The following CCDC28B variants were observed in gnomAD, a reference collection of about 807,000 sequenced individuals.
CCDC28B encodes coiled-coil domain-containing protein 28B.
A neutral mutation model predicts 18.7 loss-of-function variants in CCDC28B; 17 were observed. The ratio of observed to expected loss-of-function variants is 0.91; its 90% CI spans 0.62 to 1.36. The LOEUF (loss-of-function observed/expected upper bound fraction) is 1.36, where lower values mean the gene tolerates loss of function less well. Ranked by LOEUF, CCDC28B falls within the 40% of genes most tolerant of loss-of-function variation. CCDC28B has a pLI of 0.00. For missense variants in CCDC28B, 213 were observed against 251.7 expected, an observed-to-expected ratio of 0.85 and a Z score of 1.04; for synonymous variants, 116 against 105.1, an observed-to-expected ratio of 1.10 and a Z score of -0.64.
chr1:32,202,309 C>G, intron 2 of CCDC28B: 1 of 705,258 alleles, frequency 1.4e-6, no homozygotes, highest in Non-Finnish European at 2.6e-6. Context: ...GATCACATAG[C>G]GTGAGGATTC....
chr1:32,199,233 C>T (rs893000240), upstream of CCDC28B, among the ~76,000 whole-genome samples: 2 of 152,214 alleles, frequency 1.3e-5, no homozygotes, highest in Non-Finnish European at 2.9e-5. Flanking sequence ...GCCCTTCCCT[C>T]CAGGCCTCCA....
Position 32,205,340 on chromosome 1 carries a change from C to A in CCDC28B, c.*92C>A. Reference sequence around the variant, plus strand: ...CGGGTGTTCTGCGGCCCCCCAGGTGCTATGGGGGAGGGGGGCGTTGAATGG... The same window carrying A: ...CGGGTGTTCTGCGGCCCCCCAGGTGATATGGGGGAGGGGGGCGTTGAATGG... On this transcript the variant is annotated 3_prime_UTR_variant, in exon 6 of 6. Transcript: ENST00000373602. The surrounding 1 kb of genome is among the most constrained non-coding windows in gnomAD (Gnocchi z 5.6). The A allele has an allele frequency of 7.7e-7, 1 of 1,299,810 alleles. No individual in the cohort carries two copies. The highest frequency in any genetic ancestry group is 1.1e-6 in the Non-Finnish European group (1 of 948,372). 80.5% of individuals were successfully genotyped at this position (1,299,810 alleles called of 1,614,324 possible).
upstream of CCDC28B, chr1:32,197,885 A>G (rs888176335): frequency 2.6e-5 from 4 of 152,100 alleles, no homozygotes; most frequent in Admixed American, 2.6e-4. This position sits in a 1 kb window ranked among gnomAD's most constrained non-coding sequence, Gnocchi z 4.6. Context: ...CACTTTCTGT[A>G]GGAGACTGTT....
At chr1:32,201,524 GGTTTA>G (rs1227347664) in intron 1 of CCDC28B, among the ~76,000 whole-genome samples, 2 of 151,982 alleles carry the variant, frequency 1.3e-5, no homozygotes, top group Non-Finnish European at 2.9e-5. Flanking sequence ...AATAGAATAG[GGTTTA>G]GTTAAGACAT....
chr1:32,202,372 A>C (rs1643165981), intron 2 of CCDC28B: 1 of 630,864 alleles, frequency 1.6e-6, no homozygotes, highest in Non-Finnish European at 2.9e-6. Context: ...TTCCACGCTG[A>C]GAGGCTTACC....
At chr1:32,198,929 G>C (rs1407072428), upstream of CCDC28B, among the ~76,000 whole-genome samples, 1 of 152,202 alleles carries the variant, frequency 6.6e-6, no homozygotes, top group Admixed American at 6.5e-5. Flanking sequence ...CAGGTTAAGA[G>C]GGGTGGACAC....
At chr1:32,204,827 C>T (rs1643267948) in intron 5 of CCDC28B, 1 of 1,562,042 alleles carries the variant, frequency 6.4e-7, no homozygotes, top group African/African-American at 1.4e-5. Context: ...GGATGTTTTA[C>T]TACTGATCAA....
chr1:32,202,425 G>A, intron 2 of CCDC28B: 1 of 466,808 alleles, frequency 2.1e-6, no homozygotes, highest in South Asian at 1.7e-5. Flanking sequence ...AAGGTTTCAG[G>A]AACCACAGGT....
Position 32,204,595 on chromosome 1 carries a change from C to T in CCDC28B, c.526-3C>T, listed in dbSNP as rs768338508. ...AAGCCTCCCTTTTTCTCTTTGTTGGCAGCTGGAAGACCTCAGTAATTCTAT... is the reference window on the plus strand; with the variant it reads ...AAGCCTCCCTTTTTCTCTTTGTTGGTAGCTGGAAGACCTCAGTAATTCTAT... On this transcript the variant is annotated splice_polypyrimidine_tract_variant and splice_region_variant and intron_variant, in intron 4 of 5. Coordinates refer to ENST00000373602, the MANE Select transcript of CCDC28B (RefSeq NM_024296.5). The T allele has an allele frequency of 1.9e-6, 3 of 1,563,774 alleles. No individual in the cohort carries two copies. The highest frequency in any genetic ancestry group is 2.8e-5 in the African/African-American group (2 of 72,700).
At position 32,205,378 on chromosome 1, in the gene CCDC28B, A is replaced by G; in HGVS notation, c.*130A>G. The G allele has an allele frequency of 1.0e-6, 1 of 991,486 alleles. No homozygotes were observed. Among genetic ancestry groups the G allele is most frequent in the Non-Finnish European group, 1.5e-6 (1 of 679,694 alleles). The allele number at this position is 991,486 out of a possible 1,614,324, so 61.4% of individuals were successfully genotyped here. A position where few individuals can be genotyped will look rare whatever the true frequency, so the allele number is the denominator to read the frequency against. ...GGGCGTTGAATGGAATTAAACCAGA[A>G]AGAAAGCAAGCGGCTCCGTGTCCTG... On this transcript the variant is annotated 3_prime_UTR_variant, in exon 6 of 6. Coordinates refer to ENST00000373602, the MANE Select transcript of CCDC28B (RefSeq NM_024296.5). The surrounding 1 kb of genome is among the most constrained non-coding windows in gnomAD (Gnocchi z 5.6).
intron 2 of CCDC28B, chr1:32,202,418 G>A: frequency 2.1e-6 from 1 of 482,602 alleles, no homozygotes; most frequent in East Asian, 5.2e-5. Context: ...TACCTGAAAG[G>A]TTTCAGGAAC....
At position 32,202,054 on chromosome 1, in the gene CCDC28B, G is replaced by A. The variant is rs1347454125; in HGVS notation, c.119G>A (p.Gly40Glu). The A allele has an allele frequency of 6.2e-7, 1 of 1,613,652 alleles. No individual in the cohort carries two copies. The highest frequency in any genetic ancestry group is 8.5e-7 in the Non-Finnish European group (1 of 1,179,892). ...AGCCACAGCGGCTCCTTGGCCCTAG[G>A]ACTTCCTCATCTGCCATCCCCCAAG... The part of the protein sequence containing the change: ...PTSHSGSLAL[G>E]LPHLPSPKQR... The change falls in exon 2 of 6, where the codon GGA becomes GAA. Residue 40 changes from glycine to glutamate, a missense_variant. Gly to Glu is a moderately conservative substitution (Grantham distance 98, BLOSUM62 -2). Coordinates refer to ENST00000373602, the MANE Select transcript of CCDC28B (RefSeq NM_024296.5).
chr1:32,201,034 C>CA (rs1166716225), intron 1 of CCDC28B, among the ~76,000 whole-genome samples: 14 of 151,216 alleles, frequency 9.3e-5, no homozygotes, highest in African/African-American at 2.9e-4. Context: ...CCCACCCCCC[C>CA]AACCCCCCCA....
intron 2 of CCDC28B, among the ~76,000 whole-genome samples, chr1:32,203,394 T>C (rs574331241): frequency 6.0e-5 from 9 of 151,208 alleles, no homozygotes; most frequent in East Asian, 3.9e-4. Context: ...GGAGGCGAGG[T>C]TGCAGTGAGC....
intron 2 of CCDC28B, 94 bp from the exon 3 acceptor site, chr1:32,203,781 TAGAC>T (rs769306908): frequency 2.4e-5 from 23 of 959,378 alleles, no homozygotes; most frequent in Admixed American, 6.2e-5. Context: ...TTAGTGCAGA[TAGAC>T]AGATAAACTG....
upstream of CCDC28B, chr1:32,196,748 G>A (rs2124173471): frequency 6.6e-6 from 1 of 152,310 alleles, no homozygotes; most frequent in South Asian, 2.1e-4. Context: ...TGTCCTGCAG[G>A]TCCCTTCATC....
intron 5 of CCDC28B, 62 bp downstream of exon 5, chr1:32,204,682 C>G (rs762261413): frequency 1.2e-6 from 2 of 1,614,132 alleles, no homozygotes; most frequent in South Asian, 1.1e-5. Context: ...TTCCTCCTCT[C>G]CAGCCCTCCA....
chr1:32,196,029 T>C (rs1051213067), upstream of CCDC28B: 2 of 193,988 alleles, frequency 1.0e-5, no homozygotes, highest in African/African-American at 2.4e-5. Flanking sequence ...AGTGTTTGTA[T>C]TGAGGACCTT....
Position 32,205,343 on chromosome 1 carries a change from T to G in CCDC28B, c.*95T>G. Reference sequence around the variant, plus strand: ...GTGTTCTGCGGCCCCCCAGGTGCTATGGGGGAGGGGGGCGTTGAATGGAAT... The same window carrying G: ...GTGTTCTGCGGCCCCCCAGGTGCTAGGGGGGAGGGGGGCGTTGAATGGAAT... On this transcript the variant is annotated 3_prime_UTR_variant, in exon 6 of 6. Coordinates refer to ENST00000373602, the MANE Select transcript of CCDC28B (RefSeq NM_024296.5). This position sits in a 1 kb window ranked among gnomAD's most constrained non-coding sequence, Gnocchi z 5.6. The G allele has an allele frequency of 1.6e-6, 2 of 1,259,878 alleles. No homozygotes were observed. The highest frequency in any genetic ancestry group is 1.5e-5 in the African/African-American group (1 of 66,092). The allele number at this position is 1,259,878 out of a possible 1,614,324, so 78.0% of individuals were successfully genotyped here.
Sources: allele counts gnomAD v4.1 joint callset (sites outside exome capture counted in the v4.1 genomes callset), GRCh38; gene constraint gnomAD v4.1.1; non-coding constraint Gnocchi (gnomAD v3.1); transcripts MANE v1.5; gene names NCBI Gene and HGNC (gene_info 2026-07-23, HGNC 2026-07-21).